Variants in TRMT2A observed in about 807,000 individuals in gnomAD.
TRMT2A encodes tRNA methyltransferase 2A.
Under a neutral mutation model 59.3 loss-of-function variants are expected in TRMT2A, and 60 were observed. The observed-to-expected ratio is 1.01, with a 90% CI of 0.82 to 1.26. TRMT2A has a LOEUF of 1.26. Among genes scored for constraint, TRMT2A ranks in the 50% most tolerant of loss-of-function variants. The pLI is 0.00. For synonymous variants in TRMT2A, 403 were observed against 353.7 expected (o/e 1.14, Z -1.56); for missense variants, 863 against 845.2 (o/e 1.02, Z -0.26).
At position 20,116,093 on chromosome 22, in the gene TRMT2A, C is replaced by T. The variant is rs746476053; in HGVS notation, c.544G>A (p.Glu182Lys). 66 of 1,593,546 alleles carry T rather than the reference C, an allele frequency of 4.1e-5. No individual in the cohort carries two copies. Among genetic ancestry groups the T allele is most frequent in the Non-Finnish European group, 5.1e-5 (60 of 1,165,582 alleles). The change falls in exon 2 of 12, where the codon GAG becomes AAG. Residue 182 changes from glutamate to lysine, a missense_variant. Glu to Lys is a moderately conservative substitution (Grantham distance 56, BLOSUM62 1). Transcript: ENST00000252136. ...TCCAGCTGCTTCCGCTCAAGCTGCT[C>T]AGCATAGGGCACTGTCCATAGAGGG... is the stretch of plus-strand genomic sequence containing the variant. Reference protein sequence around the residue: ...VTPLWTVPYAEQLERKQLECE... With the variant: ...VTPLWTVPYAKQLERKQLECE...
chr22:20,116,506 T>C lies in TRMT2A; in HGVS notation c.131A>G (p.Lys44Arg). The change falls in exon 2 of 12, where the codon AAA becomes AGA. Residue 44 changes from lysine to arginine, a missense_variant. Lys to Arg is a conservative substitution (Grantham distance 26, BLOSUM62 2). Coordinates refer to ENST00000252136, the MANE Select transcript of TRMT2A (RefSeq NM_022727.6). Reference sequence around the variant, plus strand: ...CCCTGTAGCCGCCCCAGCGCCCTCTTTCTCCACCTCCTCCAGGGCTGCCGG... The same window carrying C: ...CCCTGTAGCCGCCCCAGCGCCCTCTCTCTCCACCTCCTCCAGGGCTGCCGG... ...AAPAALEEVEKEGAGAATGPG... is the reference protein window; with the variant it reads ...AAPAALEEVEREGAGAATGPG... 6.2e-7 allele frequency: 1 copy of C among 1,612,622 alleles called. No homozygotes were observed. The highest frequency in any genetic ancestry group is 8.5e-7 in the Non-Finnish European group (1 of 1,179,878).
chr22:20,115,389 T>G lies in TRMT2A; in HGVS notation c.767A>C (p.Asn256Thr). 6.2e-7 allele frequency: 1 copy of G among 1,612,648 alleles called. No homozygotes were observed. The highest frequency in any genetic ancestry group is 8.5e-7 in the Non-Finnish European group (1 of 1,179,928). Residue 256 changes from asparagine (N) to threonine (T), a missense_variant, in exon 4 of 12, where the codon AAC becomes ACC. Transcript: ENST00000252136. Reference sequence around the variant, plus strand: ...CTTGCCGAGCCGACAGCCCACGGTGTTATCCTCCCCATCCACCCCGACGCC... The same window carrying G: ...CTTGCCGAGCCGACAGCCCACGGTGGTATCCTCCCCATCCACCCCGACGCC... Reference protein sequence around the residue: ...LVGVGVDGEDNTVGCRLGKYK... With the variant: ...LVGVGVDGEDTTVGCRLGKYK...
At position 20,114,961 on chromosome 22, in the gene TRMT2A, A is replaced by C; in HGVS notation, c.1005+4T>G. 6.3e-7 allele frequency: 1 copy of C among 1,586,272 alleles called. No homozygotes were observed. On this transcript the variant is annotated splice_donor_region_variant and intron_variant, in intron 5 of 11. Coordinates refer to ENST00000252136, the MANE Select transcript of TRMT2A (RefSeq NM_022727.6). ...CCCTCCCCCAGCAGGGCCCCCGTTG[A>C]GACCTGGGGGTGGAAGTAGGCAATG...
At position 20,114,676 on chromosome 22, in the gene TRMT2A, AG is replaced by A; in HGVS notation, c.1130del (p.Pro377LeufsTer22). The A allele has an allele frequency of 6.2e-7, 1 of 1,613,414 alleles. No individual in the cohort carries two copies. The highest frequency in any genetic ancestry group is 1.1e-5 in the South Asian group (1 of 91,088). On this transcript the variant is annotated frameshift_variant, in exon 7 of 12. Transcript: ENST00000252136. LOFTEE classifies it high-confidence loss of function. ...YFVEEGQRKT[P>X]SQEGLPLEHV... ...GCTCCAGGGGCAGGCCCTCCTGGCT[AG>A]GAGTCTTTCTGTGGGCGAAGGTGCA...
chr22:20,113,771 A>T lies in TRMT2A; in HGVS notation c.1271T>A (p.Ile424Asn), dbSNP rs1394207689. The T allele has an allele frequency of 3.7e-6, 6 of 1,608,658 alleles. No homozygotes were observed. The highest frequency in any genetic ancestry group is 1.3e-5 in the African/African-American group (1 of 74,810). Residue 424 changes from isoleucine to asparagine, a missense_variant, in exon 8 of 12, where the codon ATC (isoleucine) becomes AAC (asparagine). By Grantham distance (149) the Ile-to-Asn change is moderately radical. Transcript: ENST00000252136. ...TPAAEVLYTVIQDWAQLDAGS... is the reference protein window; with the variant it reads ...TPAAEVLYTVNQDWAQLDAGS... ...CGCATCCAATTGGGCCCAGTCCTGG[A>T]TGACTGTGTAGAGCACCTCGGCTGC... is the stretch of plus-strand genomic sequence containing the variant.
rs1331484692 is a variant in TRMT2A, at chr22:20,113,770, G to T, written c.1272C>A (p.Ile424=). 3.7e-6 allele frequency: 6 copies of T among 1,608,924 alleles called. No homozygotes were observed. The highest frequency in any genetic ancestry group is 1.3e-5 in the African/African-American group (1 of 74,854). ...CCGCATCCAATTGGGCCCAGTCCTG[G>T]ATGACTGTGTAGAGCACCTCGGCTG... is the stretch of plus-strand genomic sequence containing the variant. The part of the protein sequence containing the change: ...TPAAEVLYTV[I]QDWAQLDAGS... Residue 424 remains isoleucine (I), a synonymous_variant, in exon 8 of 12, where the codon ATC becomes ATA. Coordinates refer to ENST00000252136, the MANE Select transcript of TRMT2A (RefSeq NM_022727.6).
In TRMT2A at chr22:20,112,322, C is replaced by G; in HGVS notation, c.*241G>C. 1 of 568,418 alleles carries G rather than the reference C, an allele frequency of 1.8e-6. No homozygotes were observed. Among genetic ancestry groups the G allele is most frequent in the African/African-American group, 1.9e-5 (1 of 53,620 alleles). The allele number at this position is 568,418 out of a possible 1,614,324, so 35.2% of individuals were successfully genotyped here. A position where few individuals can be genotyped will look rare whatever the true frequency, so the allele number is the denominator to read the frequency against. On this transcript the variant is annotated 3_prime_UTR_variant, in exon 12 of 12. Coordinates refer to ENST00000252136, the MANE Select transcript of TRMT2A (RefSeq NM_022727.6). Reference sequence around the variant, plus strand: ...ACCCTTTGTTGAGCAGTTGTTTATTCTGGCCCTCACAGCCTTGGCTAGTCC... The same window carrying G: ...ACCCTTTGTTGAGCAGTTGTTTATTGTGGCCCTCACAGCCTTGGCTAGTCC...
chr22:20,115,698 C>G lies in TRMT2A; in HGVS notation c.682G>C (p.Glu228Gln). Residue 228 changes from glutamate (E) to glutamine (Q), a missense_variant, in exon 3 of 12, where the codon GAG (glutamate) becomes CAG (glutamine). Glu to Gln is a conservative substitution (Grantham distance 29). Transcript: ENST00000252136. Reference protein sequence around the residue: ...HKHNKACCPLEGVRPSPQQTE... With the variant: ...HKHNKACCPLQGVRPSPQQTE... ...TGCTGGGGTGATGGCCTGACCCCCTCCAGCGGGCAGCAGGCCTTGTTGTGC... is the reference window on the plus strand; with the variant it reads ...TGCTGGGGTGATGGCCTGACCCCCTGCAGCGGGCAGCAGGCCTTGTTGTGC... 1.2e-6 allele frequency: 2 copies of G among 1,612,966 alleles called. No homozygotes were observed. The highest frequency in any genetic ancestry group is 1.7e-6 in the Non-Finnish European group (2 of 1,180,006).
intron 3 of TRMT2A, 22 bp downstream of exon 3, chr22:20,115,650 G>C (rs2049989156): frequency 1.2e-6 from 2 of 1,610,854 alleles, no homozygotes; most frequent in African/African-American, 2.7e-5. Flanking sequence ...AGGGGTTTGT[G>C]GCCACCGAAG....
At chr22:20,115,933 C>T in intron 2 of TRMT2A, 105 bp downstream of exon 2, 1 of 1,427,972 alleles carries the variant, frequency 7.0e-7, no homozygotes, top group Non-Finnish European at 9.4e-7. Context: ...CCCAAAGGGG[C>T]CGCCAGATCC....
chr22:20,117,197 G>A lies in TRMT2A; in HGVS notation c.-291C>T. On this transcript the variant is annotated 5_prime_UTR_variant, in exon 1 of 12. Coordinates refer to ENST00000252136, the MANE Select transcript of TRMT2A (RefSeq NM_022727.6). Reference sequence around the variant, plus strand: ...TTCGCCAGCCACTCTTAGTCCGCCAGCGCGTGCGGCGGAGGCCGAGCGTCT... The same window carrying A: ...TTCGCCAGCCACTCTTAGTCCGCCAACGCGTGCGGCGGAGGCCGAGCGTCT... 1.8e-6 allele frequency: 1 copy of A among 541,330 alleles called. No individual in the cohort carries two copies. The highest frequency in any genetic ancestry group is 3.1e-6 in the Non-Finnish European group (1 of 326,552). The allele number at this position is 541,330 out of a possible 1,614,324, so 33.5% of individuals were successfully genotyped here. A position where few individuals can be genotyped will look rare whatever the true frequency, so the allele number is the denominator to read the frequency against.
At chr22:20,115,148 C>G in intron 4 of TRMT2A, 69 bp from the exon 5 acceptor site, 21 of 1,561,836 alleles carry the variant, frequency 1.3e-5, no homozygotes, top group Non-Finnish European at 1.7e-5. Flanking sequence ...TCTCCTCTGG[C>G]CACACCTTCC....
At chr22:20,113,400 T>TGCCCCCCCCCCCCCCCCG in intron 9 of TRMT2A, 32 bp downstream of exon 9, 4 of 1,049,430 alleles carry the variant, frequency 3.8e-6, no homozygotes, top group Non-Finnish European at 5.7e-6. Flanking sequence ...GCTGCCCCCA[T>TGCCCCCCCCCCCCCCCCG]CCCCACCCCC....
rs200800158 is a variant in TRMT2A at position 20,113,502 on chromosome 22, T to C, written c.1362A>G (p.Val454=). The C allele has an allele frequency of 5.3e-5, 86 of 1,613,484 alleles. No homozygotes were observed. Among genetic ancestry groups the C allele is most frequent in the Non-Finnish European group, 7.1e-5 (84 of 1,179,942 alleles). ...ATAGCTCGACCCCAATGACCCTCTT[T>C]ACCTTCTGAAACAGGAAAGCGTGGT... ...GTIGLALARK[V]KRVIGVELCP... Residue 454 remains valine (V), a synonymous_variant, in exon 9 of 12, where the codon GTA becomes GTG. Transcript: ENST00000252136.
intron 1 of TRMT2A, 39 bp downstream of exon 1, chr22:20,116,844 C>A (rs779040015): frequency 6.3e-7 from 1 of 1,594,446 alleles, no homozygotes; most frequent in East Asian, 2.3e-5. Flanking sequence ...CTCCTCCCAC[C>A]CCATCCCCGT....
At chr22:20,112,880 AG>A (rs1379256045) in intron 11 of TRMT2A, 30 bp downstream of exon 11, 2 of 1,612,414 alleles carry the variant, frequency 1.2e-6, no homozygotes. Flanking sequence ...TAGCAGGCCT[AG>A]CCCCCACCCA....
Position 20,116,585 on chromosome 22 carries a change from G to C in TRMT2A, c.52C>G (p.Gln18Glu). ...CAGCTCAGGGCACTGCTGCTCTCCT[G>C]GCCACAGCTCTCCATGGGCTTCGGG... The part of the protein sequence containing the change: ...EGPKPMESCG[Q>E]ESSSALSCPT... Residue 18 changes from glutamine (Q) to glutamate (E), a missense_variant, in exon 2 of 12, where the codon CAG becomes GAG. Coordinates refer to ENST00000252136, the MANE Select transcript of TRMT2A (RefSeq NM_022727.6). 6.4e-7 allele frequency: 1 copy of C among 1,558,990 alleles called. No homozygotes were observed. Among genetic ancestry groups the C allele is most frequent in the South Asian group, 1.2e-5 (1 of 85,108 alleles).
chr22:20,112,905 A>G lies in TRMT2A; in HGVS notation c.1646+6T>C, dbSNP rs369267890. The G allele has an allele frequency of 2.5e-6, 4 of 1,613,490 alleles. No homozygotes were observed. The South Asian group carries it at 3.3e-5, about 13-fold the overall frequency. The stretch of plus-strand genomic sequence containing the variant: ...AGCCCCCACCCAGGCCCCTGCAGAC[A>G]CTCACTCCACAAAGTTGCCCATGGC... On this transcript the variant is annotated splice_donor_region_variant and intron_variant, in intron 11 of 11. Coordinates refer to ENST00000252136, the MANE Select transcript of TRMT2A (RefSeq NM_022727.6).
In TRMT2A at chr22:20,112,710, G is replaced by C. The variant is rs1176630989; in HGVS notation, c.1731C>G (p.Thr577=). The change falls in exon 12 of 12, where the codon ACC becomes ACG. Residue 577 remains threonine (T), a synonymous_variant. Coordinates refer to ENST00000252136, the MANE Select transcript of TRMT2A (RefSeq NM_022727.6). The part of the protein sequence containing the change: ...KAVAVDLFPQ[T]PHCEMLILFE... ...ACAGGATGAGCATCTCACAGTGCGG[G>C]GTCTGCGGGAACAGGTCCACTGCCA... 1 of 1,613,974 alleles carries C rather than the reference G, an allele frequency of 6.2e-7. No individual in the cohort carries two copies. The highest frequency in any genetic ancestry group is 1.7e-5 in the Admixed American group (1 of 60,028).
Sources: allele counts gnomAD v4.1 joint callset, GRCh38; gene constraint gnomAD v4.1.1; transcripts MANE v1.5; gene names NCBI Gene and HGNC (gene_info 2026-07-23, HGNC 2026-07-21).